The following PTPRO variants were observed in gnomAD, a reference collection of about 807,000 sequenced individuals.
The protein encoded by PTPRO is protein tyrosine phosphatase receptor type O.
Under a neutral mutation model 145.2 loss-of-function variants are expected in PTPRO, and 62 were observed. That is an observed-to-expected ratio of 0.43 (90% CI 0.35 to 0.53). The LOEUF (loss-of-function observed/expected upper bound fraction) is 0.53, where lower values mean the gene tolerates loss of function less well. Ranked by LOEUF, PTPRO falls within the 20% of genes least tolerant of loss-of-function variation. The probability of loss-of-function intolerance (pLI) is 0.01; values close to 1 mark genes in which losing one functional copy is unlikely to be tolerated. For synonymous variants in PTPRO, 565 were observed against 514.7 expected (o/e 1.10, Z -1.32); for missense variants, 1,345 against 1,482.7 (o/e 0.91, Z 1.53).
intron 1 of PTPRO, among the ~76,000 whole-genome samples, chr12:15,353,453 C>T (rs1486639482): frequency 1.3e-5 from 2 of 151,812 alleles, no homozygotes; most frequent in South Asian, 2.1e-4. Context: ...ACAATGGATA[C>T]CCTTTACAGA....
In PTPRO at chr12:15,497,245, A is replaced by G; in HGVS notation, c.350A>G (p.Lys117Arg). The G allele has an allele frequency of 6.4e-7, 1 of 1,562,670 alleles. No homozygotes were observed. Among genetic ancestry groups the G allele is most frequent in the Non-Finnish European group, 8.8e-7 (1 of 1,134,292 alleles). ...TTCTCCATTTACTTCACTTCTGTAG[A>G]ACCTCTACCTGTAACCAGTGTTTCC... ...KPSRSITVLT[K>R]PLPVTSVSIY... The change falls in exon 3 of 27, where the codon AAA becomes AGA. Residue 117 changes from lysine (K) to arginine (R), a missense_variant and splice_region_variant. This residue lies in a region of PTPRO where 1,130 missense variants were observed against 1,214.7 expected (regional missense o/e 0.93). Coordinates refer to ENST00000281171, the MANE Select transcript of PTPRO (RefSeq NM_030667.3).
At chr12:15,403,162 C>T (rs1939546720) in intron 1 of PTPRO, among the ~76,000 whole-genome samples, 1 of 152,182 alleles carries the variant, frequency 6.6e-6, no homozygotes, top group Non-Finnish European at 1.5e-5. Flanking sequence ...GTGGTCTCTT[C>T]CTATCTGGCT....
chr12:15,522,692 A>G (rs1358241439), intron 10 of PTPRO, among the ~76,000 whole-genome samples: 1 of 152,220 alleles, frequency 6.6e-6, no homozygotes, highest in Non-Finnish European at 1.5e-5. Flanking sequence ...CAAGTCTACC[A>G]TCTTTGTTAG....
intron 2 of PTPRO, among the ~76,000 whole-genome samples, chr12:15,487,892 A>T (rs940180688): frequency 6.6e-6 from 1 of 152,228 alleles, no homozygotes; most frequent in South Asian, 2.1e-4. Context: ...AATTCTTTGC[A>T]TCCATTTAGA....
intron 1 of PTPRO, among the ~76,000 whole-genome samples, chr12:15,446,765 TTTTA>T (rs1246174210): frequency 4.0e-5 from 6 of 150,972 alleles, no homozygotes; most frequent in African/African-American, 1.2e-4. Context: ...ATATTAATTT[TTTTA>T]TTTATTAAAA....
rs891053433 is a variant in PTPRO at position 15,593,274 on chromosome 12, G to C, written c.3547-1663G>C. 3.9e-5 allele frequency among the ~76,000 whole-genome samples: 6 copies of C among 152,146 alleles called. No individual in the cohort carries two copies. In the East Asian group the frequency reaches 1.2e-3, roughly 29 times the overall value. On this transcript the variant is annotated intron_variant, in intron 25 of 26. Transcript: ENST00000281171. ...GTTCGAAATATTAATTTTGTTTTTT[G>C]TATGAAGTTGTTACACAGGAAGCTT...
chr12:15,427,845 A>G (rs559645607), intron 1 of PTPRO, among the ~76,000 whole-genome samples: 5 of 151,740 alleles, frequency 3.3e-5, no homozygotes, highest in Non-Finnish European at 7.4e-5. Context: ...CTGTTTTAGC[A>G]TTATCATGGT....
At chr12:15,595,218 A>T in intron 26 of PTPRO, 161 bp downstream of exon 26, 2 of 643,264 alleles carry the variant, frequency 3.1e-6, no homozygotes, top group South Asian at 3.3e-5. Flanking sequence ...CACAGGGAGA[A>T]ACAAGTACTG....
chr12:15,382,885 A>T (rs961322098), intron 1 of PTPRO, among the ~76,000 whole-genome samples: 5 of 152,214 alleles, frequency 3.3e-5, no homozygotes, highest in Admixed American at 6.5e-5. Context: ...TTATGGTTTG[A>T]TACACATATA....
chr12:15,552,009 A>G (rs531595498), intron 15 of PTPRO, among the ~76,000 whole-genome samples: 1 of 132,870 alleles, frequency 7.5e-6, no homozygotes, highest in African/African-American at 2.8e-5. Flanking sequence ...AGTTCAGTAT[A>G]GTTAATGAAA....
At position 15,403,565 on chromosome 12, in the gene PTPRO, A is replaced by G. The variant is rs1939561774; in HGVS notation, c.76-80409A>G. Among the ~76,000 whole-genome samples, 4 of 152,192 alleles carry G rather than the reference A, an allele frequency of 2.6e-5. No homozygotes were observed. In the South Asian group the frequency reaches 8.3e-4, roughly 31 times the overall value. ...GCCACTGCACTCCAGCCTGGGTGAG[A>G]GAGCGAGACTCCGTCTCAAAAACAT... On this transcript the variant is annotated intron_variant, in intron 1 of 26. Coordinates refer to ENST00000281171, the MANE Select transcript of PTPRO (RefSeq NM_030667.3).
At chr12:15,398,673 A>G (rs1194610557) in intron 1 of PTPRO, among the ~76,000 whole-genome samples, 1 of 149,946 alleles carries the variant, frequency 6.7e-6, no homozygotes. Flanking sequence ...ATATGAATGT[A>G]ATATTTTACA....
chr12:15,464,992 A>G (rs1028114824), intron 1 of PTPRO, among the ~76,000 whole-genome samples: 1 of 152,240 alleles, frequency 6.6e-6, no homozygotes, highest in Non-Finnish European at 1.5e-5. Flanking sequence ...GGTAGCAAGC[A>G]ATAAGAAAAT....
chr12:15,408,155 G>A (rs993602125), intron 1 of PTPRO, among the ~76,000 whole-genome samples: 7 of 151,940 alleles, frequency 4.6e-5, no homozygotes, highest in African/African-American at 1.7e-4. Flanking sequence ...CTCTGTGGGG[G>A]TGGGTGATTT....
intron 2 of PTPRO, among the ~76,000 whole-genome samples, chr12:15,490,883 C>T (rs188240841): frequency 6.8e-4 from 104 of 152,060 alleles, no homozygotes; most frequent in African/African-American, 2.4e-3. Context: ...TATCAAGTAC[C>T]GTACAGACAT....
At chr12:15,343,706 T>C (rs1418270021) in intron 1 of PTPRO, among the ~76,000 whole-genome samples, 1 of 152,082 alleles carries the variant, frequency 6.6e-6, no homozygotes, top group East Asian at 1.9e-4. Context: ...TATATATATA[T>C]TTTTTGAGAC....
chr12:15,354,697 G>T (rs948186743), intron 1 of PTPRO, among the ~76,000 whole-genome samples: 1 of 152,086 alleles, frequency 6.6e-6, no homozygotes, highest in Non-Finnish European at 1.5e-5. Context: ...TATAAAAAAG[G>T]TTTGTTATAT....
intron 6 of PTPRO, among the ~76,000 whole-genome samples, chr12:15,506,946 A>C (rs1183578799): frequency 6.6e-6 from 1 of 152,110 alleles, no homozygotes; most frequent in Non-Finnish European, 1.5e-5. Flanking sequence ...TCGTATCTCC[A>C]AATTTTTACT....
intron 21 of PTPRO, 67 bp downstream of exon 21, chr12:15,580,182 T>C (rs10846214): frequency 1.6e-6 from 2 of 1,255,190 alleles, no homozygotes; most frequent in African/African-American, 1.5e-5. Context: ...CAGGGCTATA[T>C]GGATGTGTCA....
Sources: gnomAD v4.1 joint callset for allele counts (sites outside exome capture counted in the v4.1 genomes callset) on GRCh38, gnomAD v4.1.1 for gene constraint, gnomAD v4.1.1 regional missense constraint, MANE v1.5 for transcripts, NCBI Gene and HGNC (gene_info 2026-07-23, HGNC 2026-07-21) for gene names.